The following FTO variants were observed in gnomAD, a reference collection of about 807,000 sequenced individuals.
FTO encodes FTO alpha-ketoglutarate dependent dioxygenase.
Under a neutral mutation model 63.9 loss-of-function variants are expected in FTO, and 47 were observed. The ratio of observed to expected loss-of-function variants is 0.74; its 90% CI spans 0.58 to 0.94. FTO has a LOEUF of 0.94. Among genes scored for constraint, FTO ranks in the 40% least tolerant of loss-of-function variants. FTO has a pLI of 0.00. For synonymous variants in FTO, 207 were observed against 224.4 expected, an observed-to-expected ratio of 0.92 and a Z score of 0.69; for missense variants, 562 against 618.1, an observed-to-expected ratio of 0.91 and a Z score of 0.96.
At chr16:53,786,680 G>A (rs1244007626) in intron 1 of FTO, among the ~76,000 whole-genome samples, 1 of 152,116 alleles carries the variant, frequency 6.6e-6, no homozygotes. Context: ...AAATGGAGTG[G>A]GAGAGCATAA....
intron 8 of FTO, among the ~76,000 whole-genome samples, chr16:54,038,881 CCAGTCT>C (rs1422641871): frequency 3.3e-5 from 5 of 152,138 alleles, no homozygotes; most frequent in Admixed American, 6.5e-5. Flanking sequence ...TGTAAACTAT[CCAGTCT>C]CAGGTATTCC....
At chr16:54,069,068 A>G (rs748762632) in intron 8 of FTO, among the ~76,000 whole-genome samples, 8 of 152,196 alleles carry the variant, frequency 5.3e-5, no homozygotes, top group Non-Finnish European at 1.0e-4. Context: ...TTTTACACAT[A>G]CATAATTAAA....
At chr16:54,040,588 A>G (rs2192870) in intron 8 of FTO, 71,385 of 151,996 alleles carry the variant, frequency 0.47, 18,922 homozygotes, top group African/African-American at 0.71. Flanking sequence ...TAGAGAGATC[A>G]GGGAGGCTTC....
At chr16:53,968,344 T>C (rs1410909154) in intron 8 of FTO, among the ~76,000 whole-genome samples, 1 of 152,250 alleles carries the variant, frequency 6.6e-6, no homozygotes, top group African/African-American at 2.4e-5. Flanking sequence ...TTCTACATGG[T>C]TGATTCCTCA....
chr16:53,866,877 CTT>C (rs1236654049), intron 4 of FTO, among the ~76,000 whole-genome samples: 2 of 151,984 alleles, frequency 1.3e-5, no homozygotes, highest in African/African-American at 4.8e-5. Flanking sequence ...GGTGCATTAA[CTT>C]TTATTGTTTC....
chr16:53,879,313 A>G (rs1273241977), intron 5 of FTO, among the ~76,000 whole-genome samples: 1 of 152,200 alleles, frequency 6.6e-6, no homozygotes, highest in African/African-American at 2.4e-5. Context: ...CAGCAAACTA[A>G]GTGGCCCAAG....
chr16:53,815,189 G>C (rs1364920398), intron 2 of FTO, among the ~76,000 whole-genome samples: 2 of 152,118 alleles, frequency 1.3e-5, no homozygotes, highest in Admixed American at 1.3e-4. Context: ...GGAGGCATGA[G>C]AAGGCTTGGA....
chr16:53,875,060 A>G (rs746202803), intron 5 of FTO, among the ~76,000 whole-genome samples: 3 of 152,062 alleles, frequency 2.0e-5, no homozygotes, highest in Non-Finnish European at 4.4e-5. Flanking sequence ...AAGGTAGGTA[A>G]GGACGAACAG....
intron 8 of FTO, among the ~76,000 whole-genome samples, chr16:54,042,197 G>T (rs943234679): frequency 1.3e-5 from 2 of 148,726 alleles, no homozygotes; most frequent in East Asian, 4.0e-4. Flanking sequence ...CTGAGGTACC[G>T]GGTTCATCTC....
At chr16:53,997,588 G>T (rs910201882) in intron 8 of FTO, among the ~76,000 whole-genome samples, 1 of 149,858 alleles carries the variant, frequency 6.7e-6, no homozygotes, top group African/African-American at 2.5e-5. Flanking sequence ...GGTGGGAGTG[G>T]GGGGGTGGTG....
chr16:54,032,377 A>G (rs905658537), intron 8 of FTO, among the ~76,000 whole-genome samples: 1 of 152,206 alleles, frequency 6.6e-6, no homozygotes, highest in African/African-American at 2.4e-5. Context: ...AGGCTCCAAA[A>G]CCAATTTGAG....
intron 1 of FTO, among the ~76,000 whole-genome samples, chr16:53,713,008 G>C (rs1226718450): frequency 1.3e-5 from 2 of 151,010 alleles, no homozygotes; most frequent in African/African-American, 4.9e-5. Flanking sequence ...GATTTTGCCA[G>C]ACACATGGTA....
chr16:53,777,728 C>G lies in FTO; in HGVS notation c.46-32412C>G, dbSNP rs145252803. ...AGCCCCAAGCTCAAGGTAGCAAATACAAATTTTCTAAATTTCTGATTTTTC... is the reference window on the plus strand; with the variant it reads ...AGCCCCAAGCTCAAGGTAGCAAATAGAAATTTTCTAAATTTCTGATTTTTC... On this transcript the variant is annotated intron_variant, in intron 1 of 8. Transcript: ENST00000471389. Among the ~76,000 whole-genome samples, 197 of 152,254 alleles carry G rather than the reference C, an allele frequency of 1.3e-3. 1 individual carries two copies. Among genetic ancestry groups the G allele is most frequent in the African/African-American group, 4.6e-3 (192 of 41,560 alleles).
At chr16:53,939,816 A>C (rs969572532) in intron 8 of FTO, among the ~76,000 whole-genome samples, 7 of 152,200 alleles carry the variant, frequency 4.6e-5, no homozygotes, top group Non-Finnish European at 8.8e-5. Flanking sequence ...ACTGCTGAAT[A>C]ATATTCCACT....
chr16:53,900,238 T>A (rs887567216), intron 7 of FTO, among the ~76,000 whole-genome samples: 5 of 152,210 alleles, frequency 3.3e-5, no homozygotes, highest in South Asian at 2.1e-4. Context: ...AGTCTGGCTT[T>A]ATTAGTTGAG....
intron 8 of FTO, among the ~76,000 whole-genome samples, chr16:53,935,259 A>G (rs1406706258): frequency 6.6e-6 from 1 of 152,248 alleles, no homozygotes; most frequent in Non-Finnish European, 1.5e-5. Context: ...ATTGATAGAC[A>G]TAATATTCTC....
At chr16:53,713,369 A>G (rs1339695026) in intron 1 of FTO, among the ~76,000 whole-genome samples, 1 of 152,186 alleles carries the variant, frequency 6.6e-6, no homozygotes, top group Admixed American at 6.5e-5. Flanking sequence ...GTGACTTTCT[A>G]ACTTCTAGAG....
chr16:54,039,006 AG>A (rs1171187983), intron 8 of FTO, among the ~76,000 whole-genome samples: 1 of 152,252 alleles, frequency 6.6e-6, no homozygotes, highest in African/African-American at 2.4e-5. Context: ...AGCAGCCAGC[AG>A]GGCTTGTAGG....
chr16:53,925,069 TAAAAA>T (rs763272865), intron 7 of FTO, among the ~76,000 whole-genome samples: 9 of 123,520 alleles, frequency 7.3e-5, no homozygotes, highest in Non-Finnish European at 1.8e-5. Flanking sequence ...CTTTTTTTTG[TAAAAA>T]AAAAAAAAAA....
Sources: allele counts gnomAD v4.1 joint callset (sites outside exome capture counted in the v4.1 genomes callset), GRCh38; gene constraint gnomAD v4.1.1; transcripts MANE v1.5; gene names NCBI Gene and HGNC (gene_info 2026-07-23, HGNC 2026-07-21).